C12orf42: variants seen among roughly 807,000 people sequenced by gnomAD.
The protein encoded by C12orf42 is uncharacterized protein C12orf42.
In C12orf42, 25 loss-of-function variants were observed where a neutral mutation model predicts 21.6. The ratio of observed to expected loss-of-function variants is 1.16; its 90% confidence interval spans 0.84 to 1.62. C12orf42 has a LOEUF of 1.62. C12orf42 is among the 40% of genes most tolerant of loss of function. The pLI is 0.00. For missense variants in C12orf42, 483 were observed against 459.3 expected, an observed-to-expected ratio of 1.05 and a Z score of -0.47; for synonymous variants, 174 against 175.0, an observed-to-expected ratio of 0.99 and a Z score of 0.05.
chr12:103,156,196 G>A, the C12orf42 span: 1 of 152,032 alleles, frequency 6.6e-6, no homozygotes, highest in Non-Finnish European at 1.5e-5. Context: ...AGTTTCTCTT[G>A]ACATTTAAAA....
At chr12:103,213,476 G>T in the C12orf42 span, among the ~76,000 whole-genome samples, 1 of 152,166 alleles carries the variant, frequency 6.6e-6, no homozygotes, top group Admixed American at 6.5e-5. Context: ...GGGGATATGT[G>T]TTCTTGTGTT....
In C12orf42 at chr12:103,444,006, T is replaced by C. The variant is rs79928420; in HGVS notation, c.78+34343A>G. Among the ~76,000 whole-genome samples, 1,831 of 152,248 alleles carry C rather than the reference T, an allele frequency of 0.012. 199 individuals carry two copies. In the East Asian group the frequency reaches 0.25, roughly 21 times the overall value. On this transcript the variant is annotated intron_variant, in intron 2 of 5. Transcript: ENST00000548883. ...TCATCAATGTCAAATAAAAATTCTT[T>C]ACCTGTGCCATTTGTCTCCTTTTCT...
At chr12:103,498,386 C>T (rs190209747), upstream of C12orf42, among the ~76,000 whole-genome samples, 91 of 152,302 alleles carry the variant, frequency 6.0e-4, no homozygotes, top group Non-Finnish European at 9.1e-4. Context: ...ATGAATACTG[C>T]ATTTTCCAAA....
intron 4 of C12orf42, among the ~76,000 whole-genome samples, chr12:103,284,146 A>T (rs1386465626): frequency 6.6e-6 from 1 of 152,200 alleles, no homozygotes; most frequent in Non-Finnish European, 1.5e-5. Context: ...CTCGGAGAAC[A>T]TTACATAAGA....
At chr12:103,222,402 C>A in the C12orf42 span, among the ~76,000 whole-genome samples, 1 of 152,228 alleles carries the variant, frequency 6.6e-6, no homozygotes, top group South Asian at 2.1e-4. Flanking sequence ...TCACTTAAGG[C>A]AAGGACCGGC....
intron 2 of C12orf42, among the ~76,000 whole-genome samples, chr12:103,454,211 G>A (rs1349673322): frequency 6.6e-6 from 1 of 152,028 alleles, no homozygotes; most frequent in African/African-American, 2.4e-5. Context: ...TATTTCAGGA[G>A]AGGAAGTCTA....
intron 3 of C12orf42, among the ~76,000 whole-genome samples, chr12:103,371,878 A>G (rs963367937): frequency 1.3e-5 from 2 of 152,128 alleles, no homozygotes; most frequent in Admixed American, 6.6e-5. Flanking sequence ...AACAACTATT[A>G]CCCCAATTTT....
chr12:103,167,900 G>GTGTGTGTGTGTGTTTGTGTC, the C12orf42 span: 3 of 353,130 alleles, frequency 8.5e-6, no homozygotes, highest in South Asian at 6.5e-5. Flanking sequence ...GTGTGTGTGT[G>GTGTGTGTGTGTGTTTGTGTC]TGTGTGTGTG....
intron 3 of C12orf42, among the ~76,000 whole-genome samples, chr12:103,391,236 C>T (rs530379257): frequency 1.3e-5 from 2 of 151,966 alleles, no homozygotes; most frequent in African/African-American, 2.4e-5. Context: ...GTGAATAATG[C>T]TGCTATGAAC....
At chr12:103,415,624 C>T (rs1212062505) in intron 2 of C12orf42, among the ~76,000 whole-genome samples, 3 of 152,076 alleles carry the variant, frequency 2.0e-5, no homozygotes, top group African/African-American at 7.2e-5. Context: ...ATATCAAGTG[C>T]TTTTGATTTT....
chr12:103,089,759 C>T, the C12orf42 span, among the ~76,000 whole-genome samples: 2 of 152,014 alleles, frequency 1.3e-5, no homozygotes, highest in African/African-American at 4.8e-5. Flanking sequence ...CAGGAAACTT[C>T]AACTCTCTGA....
At chr12:103,174,460 T>C in the C12orf42 span, among the ~76,000 whole-genome samples, 2 of 152,162 alleles carry the variant, frequency 1.3e-5, no homozygotes, top group African/African-American at 2.4e-5. Context: ...ATGATGTAGA[T>C]ACTAGCATCA....
chr12:103,117,376 T>A, the C12orf42 span, among the ~76,000 whole-genome samples: 1 of 152,256 alleles, frequency 6.6e-6, no homozygotes, highest in African/African-American at 2.4e-5. Context: ...TCCCTAACTA[T>A]ATTTAGTGTT....
chr12:103,343,175 A>G (rs928423769), intron 4 of C12orf42, among the ~76,000 whole-genome samples: 8 of 152,186 alleles, frequency 5.3e-5, no homozygotes, highest in Non-Finnish European at 1.0e-4. Flanking sequence ...ATTCCCCTAA[A>G]TGTCTTCCCA....
the C12orf42 span, among the ~76,000 whole-genome samples, chr12:103,058,796 C>T: frequency 1.3e-5 from 2 of 152,088 alleles, no homozygotes; most frequent in Non-Finnish European, 2.9e-5. Context: ...AACAAAAAGA[C>T]AAGGTACCAG....
chr12:103,315,120 T>C (rs925293042), intron 4 of C12orf42, among the ~76,000 whole-genome samples: 7 of 152,150 alleles, frequency 4.6e-5, no homozygotes, highest in African/African-American at 9.7e-5. Context: ...TAAAACCTCA[T>C]ACTAAAGATT....
At chr12:103,174,873 T>A in the C12orf42 span, among the ~76,000 whole-genome samples, 1 of 152,176 alleles carries the variant, frequency 6.6e-6, no homozygotes, top group Non-Finnish European at 1.5e-5. Flanking sequence ...TTACTCCAAA[T>A]GAACCAATAT....
the C12orf42 span, among the ~76,000 whole-genome samples, chr12:103,510,539 TAAA>T: frequency 1.3e-5 from 2 of 151,800 alleles, no homozygotes; most frequent in African/African-American, 2.4e-5. Context: ...GTAAAAAAAA[TAAA>T]GAAGATGAAA....
the C12orf42 span, among the ~76,000 whole-genome samples, chr12:103,072,626 T>TAATGGTATTGCTGGGTTG: frequency 6.6e-6 from 1 of 151,990 alleles, no homozygotes; most frequent in African/African-American, 2.4e-5. Flanking sequence ...ACATACCCAG[T>TAATGGTATTGCTGGGTTG]AATGGTATTG....
Sources: gnomAD v4.1 joint callset for allele counts (sites outside exome capture counted in the v4.1 genomes callset) on GRCh38, gnomAD v4.1.1 for gene constraint, MANE v1.5 for transcripts, NCBI Gene and HGNC (gene_info 2026-07-23, HGNC 2026-07-21) for gene names.